Variants in LPP observed in about 807,000 individuals in gnomAD.
LPP encodes LIM domain containing preferred translocation partner in lipoma.
LPP carries 38 observed loss-of-function variants against 60.4 expected under a neutral mutation model. That is an observed-to-expected ratio of 0.63 (90% confidence interval 0.49 to 0.83). The LOEUF is 0.83. Among genes scored for constraint, LPP ranks in the 40% least tolerant of loss-of-function variants. LPP has a pLI of 0.00. For synonymous variants in LPP, 328 were observed against 290.8 expected (o/e 1.13, Z -1.30); for missense variants, 902 against 783.6 (o/e 1.15, Z -1.80).
chr3:188,448,629 G>T (rs151003018), intron 4 of LPP, among the ~76,000 whole-genome samples: 7 of 152,190 alleles, frequency 4.6e-5, no homozygotes, highest in African/African-American at 1.4e-4. Flanking sequence ...ACGTTCAGTG[G>T]GACTTGGGTA....
intron 7 of LPP, among the ~76,000 whole-genome samples, chr3:188,681,434 C>G (rs933855270): frequency 3.9e-5 from 6 of 152,162 alleles, no homozygotes; most frequent in Admixed American, 6.5e-5. Flanking sequence ...TCAGGAAGAG[C>G]CTTTCCCTCC....
intron 8 of LPP, among the ~76,000 whole-genome samples, chr3:188,744,616 G>A (rs971303498): frequency 1.3e-5 from 2 of 152,050 alleles, no homozygotes; most frequent in African/African-American, 4.8e-5. Context: ...CTGATAGGTG[G>A]CATAGGAAAA....
chr3:188,828,623 A>AAAAAAAAAAC (rs1269920086), intron 9 of LPP, among the ~76,000 whole-genome samples: 5 of 145,844 alleles, frequency 3.4e-5, no homozygotes, highest in Non-Finnish European at 7.5e-5. Context: ...TCAAAAAAAA[A>AAAAAAAAAAC]AAAAAAAAAA....
intron 2 of LPP, among the ~76,000 whole-genome samples, chr3:188,283,773 T>C (rs1274837268): frequency 6.6e-6 from 1 of 151,840 alleles, no homozygotes; most frequent in Admixed American, 6.6e-5. Flanking sequence ...TTGTCAGGAG[T>C]TCGAGACTAG....
Position 188,239,128 on chromosome 3 carries a change from C to G in LPP, c.-67+13601C>G, listed in dbSNP as rs540310228. On this transcript the variant is annotated intron_variant, in intron 2 of 11. Coordinates refer to ENST00000617246, the MANE Select transcript of LPP (RefSeq NM_001375462.1). ...TAGTGGTGTGCAGCTTTGAACAAGT[C>G]CAGTTGCCGTGGGGTTTCCCTCCAT... Among the ~76,000 whole-genome samples, 5 of 152,318 alleles carry G rather than the reference C, an allele frequency of 3.3e-5. No homozygotes were observed. In the East Asian group the frequency reaches 7.7e-4, roughly 24 times the overall value.
intron 2 of LPP, among the ~76,000 whole-genome samples, chr3:188,310,356 A>G (rs1300102642): frequency 6.6e-6 from 1 of 152,008 alleles, no homozygotes; most frequent in African/African-American, 2.4e-5. Flanking sequence ...ATCCATGTTC[A>G]CAAGGAGAGA....
chr3:188,369,417 C>G (rs976131625), intron 3 of LPP, among the ~76,000 whole-genome samples: 1 of 151,846 alleles, frequency 6.6e-6, no homozygotes, highest in Non-Finnish European at 1.5e-5. Context: ...GTAGTGAGAT[C>G]CTGGGGAAAT....
At chr3:188,706,782 G>A (rs1198641184) in intron 7 of LPP, among the ~76,000 whole-genome samples, 1 of 152,186 alleles carries the variant, frequency 6.6e-6, no homozygotes, top group Non-Finnish European at 1.5e-5. Context: ...ATTCTGAAAA[G>A]AGAACCTTTT....
Position 188,699,970 on chromosome 3 carries a change from T to C in LPP, c.1114-8297T>C, listed in dbSNP as rs561923313. On this transcript the variant is annotated intron_variant, in intron 7 of 11. Coordinates refer to ENST00000617246, the MANE Select transcript of LPP (RefSeq NM_001375462.1). The stretch of plus-strand genomic sequence containing the variant: ...GGGAAAAGAACGAAAATATCAGAAA[T>C]ATATTTTTTCTGGCAGGCTTTCAGC... Among the ~76,000 whole-genome samples, 189 of 152,272 alleles carry C rather than the reference T, an allele frequency of 1.2e-3. 1 individual carries two copies. The highest frequency in any genetic ancestry group is 4.3e-3 in the African/African-American group (179 of 41,560).
At chr3:188,516,038 C>G (rs151001715) in intron 5 of LPP, among the ~76,000 whole-genome samples, 31 of 152,270 alleles carry the variant, frequency 2.0e-4, no homozygotes, top group Middle Eastern at 3.4e-3. Flanking sequence ...GCCATCCACT[C>G]AAATCCATCA....
At chr3:188,803,045 C>CTTTT (rs374563246) in intron 9 of LPP, among the ~76,000 whole-genome samples, 12,243 of 130,138 alleles carry the variant, frequency 0.094, 886 homozygotes, top group Non-Finnish European at 0.14. Flanking sequence ...GTTGTATATG[C>CTTTT]TTTTTTTTTT....
intron 9 of LPP, among the ~76,000 whole-genome samples, chr3:188,769,433 T>C (rs1222098434): frequency 6.6e-6 from 1 of 152,128 alleles, no homozygotes; most frequent in Non-Finnish European, 1.5e-5. Context: ...CCTTACTTGG[T>C]AAGGAAAGAG....
At chr3:188,371,252 G>A (rs1426971750) in intron 3 of LPP, among the ~76,000 whole-genome samples, 1 of 151,666 alleles carries the variant, frequency 6.6e-6, no homozygotes, top group Non-Finnish European at 1.5e-5. Context: ...CCCACTATGG[G>A]GGTCATTAAT....
In LPP at chr3:188,797,677, C is replaced by T. The variant is rs180948111; in HGVS notation, c.1410+37395C>T. Among the ~76,000 whole-genome samples the T allele has an allele frequency of 2.1e-3, 317 of 152,280 alleles. 1 individual carries two copies. The highest frequency in any genetic ancestry group is 3.4e-3 in the Middle Eastern group (1 of 294). On this transcript the variant is annotated intron_variant, in intron 9 of 11. Transcript: ENST00000617246. ...CTAAATCTTACATGGCCAATTCCAA[C>T]GTAATCTAATCTCTGAAGATTCCCT... is the stretch of plus-strand genomic sequence containing the variant.
intron 5 of LPP, among the ~76,000 whole-genome samples, chr3:188,488,020 C>CTT (rs5855202): frequency 3.7e-5 from 5 of 136,364 alleles, no homozygotes; most frequent in Middle Eastern, 3.4e-3. Flanking sequence ...AATTAATTTC[C>CTT]TTTTTTTTTT....
intron 3 of LPP, among the ~76,000 whole-genome samples, chr3:188,393,748 A>G (rs972084355): frequency 2.0e-5 from 3 of 152,190 alleles, no homozygotes; most frequent in Non-Finnish European, 4.4e-5. Context: ...TCTTTTATAT[A>G]ACAATCACTT....
At chr3:188,412,623 T>C (rs1217175918) in intron 4 of LPP, among the ~76,000 whole-genome samples, 1 of 152,186 alleles carries the variant, frequency 6.6e-6, no homozygotes, top group East Asian at 1.9e-4. Context: ...TGCTTTCGTT[T>C]ATTAAAGCGT....
Position 188,177,219 on chromosome 3 carries a change from T to A in LPP, c.-190+22967T>A, listed in dbSNP as rs567076675. Among the ~76,000 whole-genome samples the A allele has an allele frequency of 5.5e-4, 84 of 152,302 alleles. 6 individuals carry two copies. The South Asian group carries it at 0.017, about 31-fold the overall frequency. On this transcript the variant is annotated intron_variant, in intron 1 of 11. Transcript: ENST00000617246. ...GGGCCAGCCCAGCGAGGGGATCGCC[T>A]GCAATCCAGTAGAGATGCCCTCATT...
At chr3:188,600,937 T>C (rs1289064122) in intron 6 of LPP, among the ~76,000 whole-genome samples, 4 of 152,144 alleles carry the variant, frequency 2.6e-5, no homozygotes, top group East Asian at 3.8e-4. Context: ...TATATATGTA[T>C]AGATATATAG....
Sources: gnomAD v4.1 joint callset for allele counts (sites outside exome capture counted in the v4.1 genomes callset) on GRCh38, gnomAD v4.1.1 for gene constraint, MANE v1.5 for transcripts, NCBI Gene and HGNC (gene_info 2026-07-23, HGNC 2026-07-21) for gene names.